LIMS1: variants seen among roughly 807,000 people sequenced by gnomAD.
The protein encoded by LIMS1 is LIM zinc finger domain containing 1, also known as LIM and senescent cell antigen-like-containing domain protein 1.
A neutral mutation model predicts 44.1 loss-of-function variants in LIMS1; 18 were observed. That is an observed-to-expected ratio of 0.41 (90% CI 0.28 to 0.61). The LOEUF is 0.61. LIMS1 is among the 20% of genes least tolerant of loss of function. The probability of loss-of-function intolerance (pLI) is 0.32; values close to 1 mark genes in which losing one functional copy is unlikely to be tolerated. For missense variants in LIMS1, 201 were observed against 422.0 expected (o/e 0.48, Z 4.59); for synonymous variants, 93 against 149.1 (o/e 0.62, Z 2.74).
chr2:108,622,630 CAG>C (rs1292251601), intron 1 of LIMS1, among the ~76,000 whole-genome samples: 3 of 152,066 alleles, frequency 2.0e-5, no homozygotes, highest in Non-Finnish European at 4.4e-5. Flanking sequence ...TTAAAAGTCT[CAG>C]AGTTTAAATT....
At chr2:108,553,890 A>G (rs1286496610) in intron 1 of LIMS1, among the ~76,000 whole-genome samples, 4 of 152,228 alleles carry the variant, frequency 2.6e-5, no homozygotes, top group African/African-American at 2.4e-5. Context: ...CTCTTCTACC[A>G]TACGGAGAAC....
chr2:108,598,083 GA>G (rs1331601473), intron 1 of LIMS1, among the ~76,000 whole-genome samples: 3 of 151,434 alleles, frequency 2.0e-5, no homozygotes, highest in Non-Finnish European at 2.9e-5. Context: ...ATCATCCTAG[GA>G]ATAGCTACCA....
chr2:108,570,191 G>T (rs1685436775), intron 1 of LIMS1, among the ~76,000 whole-genome samples: 10 of 152,150 alleles, frequency 6.6e-5, no homozygotes, highest in Admixed American at 6.5e-4. Context: ...AGCACTTTGG[G>T]AGGCCAAGGC....
At chr2:108,675,057 A>G (rs1284204822) in intron 5 of LIMS1, among the ~76,000 whole-genome samples, 1 of 152,116 alleles carries the variant, frequency 6.6e-6, no homozygotes, top group Non-Finnish European at 1.5e-5. Context: ...ATTAACCTAT[A>G]ACTATTTTCA....
chr2:108,624,898 G>C (rs1688474004), intron 1 of LIMS1, among the ~76,000 whole-genome samples: 1 of 152,196 alleles, frequency 6.6e-6, no homozygotes, highest in Admixed American at 6.5e-5. Context: ...GGGCAACATG[G>C]GGAAACCCAG....
intron 1 of LIMS1, among the ~76,000 whole-genome samples, chr2:108,555,760 A>T (rs1426288307): frequency 6.6e-6 from 1 of 152,242 alleles, no homozygotes; most frequent in Non-Finnish European, 1.5e-5. Flanking sequence ...GCTTGCACTC[A>T]GAAGTGCTGT....
chr2:108,580,563 C>T (rs908176371), intron 1 of LIMS1, among the ~76,000 whole-genome samples: 1 of 152,006 alleles, frequency 6.6e-6, no homozygotes, highest in African/African-American at 2.4e-5. Flanking sequence ...TGTTCAGAGG[C>T]CAGTTACAAG....
intron 1 of LIMS1, among the ~76,000 whole-genome samples, chr2:108,593,437 G>A (rs189696873): frequency 5.9e-5 from 9 of 152,224 alleles, no homozygotes; most frequent in Admixed American, 2.0e-4. Context: ...AGGTCTTGCC[G>A]GAGTTACTTC....
Position 108,680,781 on chromosome 2 carries a change from G to C in LIMS1, c.899+11G>C. 6.2e-7 allele frequency: 1 copy of C among 1,605,388 alleles called. No individual in the cohort carries two copies. Among genetic ancestry groups the C allele is most frequent in the East Asian group, 2.2e-5 (1 of 44,828 alleles). ...TAAATTAACACTCAAGTAAGTGTAC[G>C]GTTTTGTCCAGTGTGAATCCTAAGA... On this transcript the variant is annotated intron_variant, in intron 9 of 9. Coordinates refer to ENST00000544547, the Ensembl canonical transcript of LIMS1.
At chr2:108,657,911 C>CT (rs1691022085) in intron 1 of LIMS1, 1 of 151,934 alleles carries the variant, frequency 6.6e-6, no homozygotes, top group African/African-American at 2.4e-5. Context: ...GGAAAGTTGT[C>CT]TTCCAGAGGT....
chr2:108,559,936 G>GC (rs1685056328), intron 1 of LIMS1, among the ~76,000 whole-genome samples: 1 of 152,238 alleles, frequency 6.6e-6, no homozygotes, highest in South Asian at 2.1e-4. Flanking sequence ...AACAAGTGGA[G>GC]CCCACCCGCC....
intron 1 of LIMS1, among the ~76,000 whole-genome samples, chr2:108,544,226 T>C (rs1459903013): frequency 6.6e-6 from 1 of 152,208 alleles, no homozygotes; most frequent in Non-Finnish European, 1.5e-5. Context: ...ATCGTAGGGT[T>C]CAACCAGAGG....
At chr2:108,588,722 T>C in intron 1 of LIMS1, 1 of 553,588 alleles carries the variant, frequency 1.8e-6, no homozygotes, top group Non-Finnish European at 2.3e-6. Context: ...AAACTCTCTA[T>C]GCAGAAAGGG....
intron 1 of LIMS1, among the ~76,000 whole-genome samples, chr2:108,631,932 C>T (rs993721353): frequency 2.6e-5 from 4 of 152,118 alleles, no homozygotes; most frequent in South Asian, 2.1e-4. Flanking sequence ...CATTTGGAAC[C>T]GCTTTGCATA....
chr2:108,553,154 C>T, intron 1 of LIMS1, among the ~76,000 whole-genome samples: 1 of 152,194 alleles, frequency 6.6e-6, no homozygotes, highest in Non-Finnish European at 1.5e-5. Context: ...CACTTTCTAG[C>T]ATGGTCTTCC....
At chr2:108,534,407 C>G (rs1268662326) in exon 1 of LIMS1, 7 of 382,536 alleles carry the variant, frequency 1.8e-5, no homozygotes, top group East Asian at 5.9e-5. Flanking sequence ...CGCCTTCCCC[C>G]CCCTCCCGCG....
intron 1 of LIMS1, among the ~76,000 whole-genome samples, chr2:108,594,647 A>AT (rs1686573607): frequency 6.6e-6 from 1 of 152,116 alleles, no homozygotes; most frequent in African/African-American, 2.4e-5. Flanking sequence ...TAGTTTTAAG[A>AT]TTTTCTAGTA....
In LIMS1 at chr2:108,627,488, T is replaced by A. The variant is rs137926027; in HGVS notation, c.33-32117T>A. Among the ~76,000 whole-genome samples the A allele has an allele frequency of 3.1e-3, 463 of 151,246 alleles. 4 individuals are homozygous for A. Among genetic ancestry groups the A allele is most frequent in the African/African-American group, 0.011 (437 of 41,266 alleles). On this transcript the variant is annotated intron_variant, in intron 1 of 9. Coordinates refer to ENST00000544547, the Ensembl canonical transcript of LIMS1. ...ACAGAATCAATCTGTAATTTTGTTG[T>A]CAGTACGCATCATATTATCTAAATT...
intron 2 of LIMS1, among the ~76,000 whole-genome samples, chr2:108,668,324 CTAACTG>C (rs140528435): frequency 0.033 from 5,006 of 152,174 alleles, 273 homozygotes; most frequent in African/African-American, 0.12. Flanking sequence ...CTTATTCGTC[CTAACTG>C]TAACTTTGTA....
Sources: gnomAD v4.1 joint callset for allele counts (sites outside exome capture counted in the v4.1 genomes callset) on GRCh38, gnomAD v4.1.1 for gene constraint, MANE v1.5 for transcripts, NCBI Gene and HGNC (gene_info 2026-07-23, HGNC 2026-07-21) for gene names.